The following WWOX variants were observed in gnomAD, a reference collection of about 807,000 sequenced individuals.
WWOX encodes WW domain containing oxidoreductase, also known as WW domain-containing oxidoreductase.
In WWOX, 69 loss-of-function variants were observed where a neutral mutation model predicts 46.2. That is an observed-to-expected ratio of 1.49 (90% CI 1.23 to 1.82). WWOX has a LOEUF of 1.82. Ranked by LOEUF, WWOX falls within the 40% of genes most tolerant of loss-of-function variation. The probability of loss-of-function intolerance (pLI) is 0.00; values close to 1 mark genes in which losing one functional copy is unlikely to be tolerated. For synonymous variants in WWOX, 359 were observed against 202.6 expected (o/e 1.77, Z -6.56); for missense variants, 919 against 542.6 (o/e 1.69, Z -6.89).
chr16:79,108,437 A>G (rs1380418569), intron 8 of WWOX, among the ~76,000 whole-genome samples: 1 of 152,184 alleles, frequency 6.6e-6, no homozygotes, highest in Middle Eastern at 3.2e-3. Context: ...CAAAGGGGAG[A>G]AAAAGGTATG....
intron 8 of WWOX, among the ~76,000 whole-genome samples, chr16:78,786,397 A>C (rs1480833106): frequency 6.6e-6 from 1 of 152,198 alleles, no homozygotes; most frequent in Non-Finnish European, 1.5e-5. Context: ...TATTTTCACC[A>C]CACACAGGAT....
intron 8 of WWOX, among the ~76,000 whole-genome samples, chr16:78,648,406 T>C (rs116010634): frequency 2.2e-3 from 334 of 152,274 alleles, no homozygotes; most frequent in African/African-American, 7.9e-3. Flanking sequence ...AAGATCATTT[T>C]TGCAGATGGT....
At chr16:78,136,842 G>A (rs1303268391) in intron 4 of WWOX, among the ~76,000 whole-genome samples, 2 of 151,832 alleles carry the variant, frequency 1.3e-5, no homozygotes, top group African/African-American at 2.4e-5. Flanking sequence ...GAGCTGGTGG[G>A]CTTTCTAATC....
chr16:78,521,249 A>C (rs569349170), intron 8 of WWOX, among the ~76,000 whole-genome samples: 1 of 152,228 alleles, frequency 6.6e-6, no homozygotes, highest in East Asian at 1.9e-4. Context: ...TAGAGACGGG[A>C]TCTTGCTGTG....
intron 8 of WWOX, among the ~76,000 whole-genome samples, chr16:78,924,536 A>G (rs1254154750): frequency 1.3e-5 from 2 of 152,214 alleles, no homozygotes; most frequent in Non-Finnish European, 2.9e-5. Context: ...TCTTCAGCCC[A>G]GTTTCCTTAT....
chr16:79,121,184 A>G (rs551448923), intron 8 of WWOX, among the ~76,000 whole-genome samples: 1 of 152,320 alleles, frequency 6.6e-6, no homozygotes, highest in South Asian at 2.1e-4. Flanking sequence ...GTTTCCAAAT[A>G]GAGTCACAGT....
In WWOX at chr16:78,645,562, G is replaced by C. The variant is rs117176130; in HGVS notation, c.1056+212810G>C. On this transcript the variant is annotated intron_variant, in intron 8 of 8. Transcript: ENST00000566780. ...AGGCAGCTTCTACTCATGGTGGAAA[G>C]TGAAGGGGAGCCAGCATGTTCAGAG... Among the ~76,000 whole-genome samples the C allele has an allele frequency of 5.4e-4, 82 of 152,260 alleles. No individual in the cohort carries two copies. The East Asian group carries it at 0.014, about 26-fold the overall frequency.
intron 8 of WWOX, among the ~76,000 whole-genome samples, chr16:79,095,819 C>G (rs2049056168): frequency 6.6e-6 from 1 of 151,380 alleles, no homozygotes; most frequent in Non-Finnish European, 1.5e-5. Flanking sequence ...TCCAGGTTGC[C>G]CTCGCCTCCC....
At chr16:78,997,979 C>T (rs542883753) in intron 8 of WWOX, among the ~76,000 whole-genome samples, 8 of 152,202 alleles carry the variant, frequency 5.3e-5, no homozygotes, top group African/African-American at 1.4e-4. Context: ...TGGGTTCAAG[C>T]GATTCTCCTG....
At chr16:78,631,431 T>G (rs967393172) in intron 8 of WWOX, among the ~76,000 whole-genome samples, 15 of 152,210 alleles carry the variant, frequency 9.9e-5, no homozygotes, top group African/African-American at 3.6e-4. Flanking sequence ...TGCGGAAGAA[T>G]TAGGACAGAT....
At chr16:78,221,526 G>T (rs1346969462) in intron 5 of WWOX, among the ~76,000 whole-genome samples, 2 of 152,180 alleles carry the variant, frequency 1.3e-5, no homozygotes, top group Admixed American at 1.3e-4. Flanking sequence ...GAAAGGTCTT[G>T]TCTTTCCTCA....
chr16:78,331,138 C>T (rs965913337), intron 5 of WWOX, among the ~76,000 whole-genome samples: 5 of 151,914 alleles, frequency 3.3e-5, no homozygotes, highest in African/African-American at 7.3e-5. Flanking sequence ...TGAATATGTT[C>T]GATTGAGGTT....
At chr16:78,240,766 TG>T (rs1567451275) in intron 5 of WWOX, among the ~76,000 whole-genome samples, 1 of 152,180 alleles carries the variant, frequency 6.6e-6, no homozygotes, top group Non-Finnish European at 1.5e-5. Flanking sequence ...AGGGCCAGGC[TG>T]GGCCAGGCAG....
At chr16:78,356,127 C>T (rs1461201254) in intron 5 of WWOX, among the ~76,000 whole-genome samples, 1 of 123,700 alleles carries the variant, frequency 8.1e-6, no homozygotes, top group African/African-American at 3.1e-5. Context: ...GTGGAGGTTG[C>T]AGTGAGCCAA....
intron 8 of WWOX, among the ~76,000 whole-genome samples, chr16:79,028,467 T>G (rs1369876833): frequency 6.6e-6 from 1 of 151,802 alleles, no homozygotes; most frequent in Non-Finnish European, 1.5e-5. Flanking sequence ...GAAGAGTTGA[T>G]AAAAAAGCAC....
chr16:78,703,732 G>T (rs2048274606), intron 8 of WWOX, among the ~76,000 whole-genome samples: 1 of 151,992 alleles, frequency 6.6e-6, no homozygotes, highest in African/African-American at 2.4e-5. Context: ...GGGTTGGGAA[G>T]AATATCCCAA....
At chr16:79,110,269 G>C (rs1006233914) in intron 8 of WWOX, among the ~76,000 whole-genome samples, 1 of 152,148 alleles carries the variant, frequency 6.6e-6, no homozygotes, top group African/African-American at 2.4e-5. Flanking sequence ...CTAGAAATGA[G>C]AATGCCCCTC....
At chr16:78,782,735 C>G (rs1041472916) in intron 8 of WWOX, among the ~76,000 whole-genome samples, 1 of 147,398 alleles carries the variant, frequency 6.8e-6, no homozygotes, top group African/African-American at 2.5e-5. Context: ...GTATTTCAGA[C>G]AACATTATTA....
intron 5 of WWOX, among the ~76,000 whole-genome samples, chr16:78,369,447 A>G (rs1365848441): frequency 1.3e-5 from 2 of 152,142 alleles, no homozygotes; most frequent in African/African-American, 4.8e-5. Context: ...CAAAATAAAG[A>G]GTTTAAGAAT....
Sources: gnomAD v4.1 joint callset for allele counts (sites outside exome capture counted in the v4.1 genomes callset) on GRCh38, gnomAD v4.1.1 for gene constraint, MANE v1.5 for transcripts, NCBI Gene and HGNC (gene_info 2026-07-23, HGNC 2026-07-21) for gene names.